Variants in TMC5 observed in about 807,000 individuals in gnomAD.
TMC5 encodes the protein transmembrane channel like 5, also known as transmembrane channel-like protein 5.
TMC5 carries 86 observed loss-of-function variants against 110.5 expected under a neutral mutation model. That is an observed-to-expected ratio of 0.78 (90% CI 0.65 to 0.93). The LOEUF (loss-of-function observed/expected upper bound fraction) is 0.93. TMC5 is among the 40% of genes least tolerant of loss of function. The probability of loss-of-function intolerance (pLI) is 0.00; values close to 1 mark genes in which losing one functional copy is unlikely to be tolerated. For synonymous variants in TMC5, 455 were observed against 439.5 expected, an observed-to-expected ratio of 1.04 and a Z score of -0.44; for missense variants, 1,144 against 1,222.8, an observed-to-expected ratio of 0.94 and a Z score of 0.96.
At chr16:19,480,501 G>A (rs966130300) in intron 14 of TMC5, among the ~76,000 whole-genome samples, 4 of 151,996 alleles carry the variant, frequency 2.6e-5, no homozygotes, top group Non-Finnish European at 5.9e-5. Flanking sequence ...TCGAGGGCCT[G>A]GACATAAAGG....
At chr16:19,457,287 A>G (rs769763898) in intron 5 of TMC5, among the ~76,000 whole-genome samples, 1 of 152,170 alleles carries the variant, frequency 6.6e-6, no homozygotes, top group Non-Finnish European at 1.5e-5. Flanking sequence ...CCAGCTACTC[A>G]GGAGGCTAAG....
chr16:19,453,062 G>A (rs945773016), intron 5 of TMC5, among the ~76,000 whole-genome samples: 2 of 150,224 alleles, frequency 1.3e-5, no homozygotes, highest in Non-Finnish European at 3.0e-5. Context: ...TCCCCAAAAG[G>A]CAGAGAGTAG....
chr16:19,455,176 G>A (rs151013926), intron 5 of TMC5, among the ~76,000 whole-genome samples: 373 of 151,580 alleles, frequency 2.5e-3, no homozygotes, highest in African/African-American at 8.7e-3. Context: ...TTTTACATGC[G>A]GTGGCTCATG....
At chr16:19,458,787 G>A (rs899215000) in intron 5 of TMC5, among the ~76,000 whole-genome samples, 2 of 152,042 alleles carry the variant, frequency 1.3e-5, no homozygotes, top group African/African-American at 4.8e-5. Context: ...GAGAGATTTG[G>A]TGGTCCTCTT....
intron 12 of TMC5, among the ~76,000 whole-genome samples, chr16:19,475,490 C>G (rs1057387899): frequency 6.6e-6 from 1 of 152,128 alleles, no homozygotes; most frequent in African/African-American, 2.4e-5. Flanking sequence ...TTCCAGAGCC[C>G]TTGCCTTACC....
At chr16:19,438,149 T>C (rs1050365251) in intron 2 of TMC5, among the ~76,000 whole-genome samples, 1 of 151,624 alleles carries the variant, frequency 6.6e-6, no homozygotes, top group Non-Finnish European at 1.5e-5. Context: ...CCCAGCACTT[T>C]GGGAGGCTGA....
chr16:19,458,104 G>A (rs1195310843), intron 5 of TMC5, among the ~76,000 whole-genome samples: 1 of 152,014 alleles, frequency 6.6e-6, no homozygotes, highest in Non-Finnish European at 1.5e-5. Context: ...CAACAGATAG[G>A]ATGTCTCTTG....
At chr16:19,413,923 A>G (rs566369057), upstream of TMC5, among the ~76,000 whole-genome samples, 2 of 152,292 alleles carry the variant, frequency 1.3e-5, no homozygotes, top group Admixed American at 6.5e-5. Context: ...AGTAGTACCT[A>G]ACTCATAGGG....
intron 21 of TMC5, among the ~76,000 whole-genome samples, chr16:19,497,424 T>G (rs1459556933): frequency 1.3e-5 from 2 of 152,232 alleles, no homozygotes; most frequent in Non-Finnish European, 1.5e-5. Context: ...GCCTAATAAG[T>G]GCAAGACAGC....
In TMC5 at chr16:19,460,226, CT is replaced by C. The variant is rs1567311980; in HGVS notation, c.1049-6del. The C allele has an allele frequency of 6.3e-7, 1 of 1,593,022 alleles. No homozygotes were observed. Among genetic ancestry groups the C allele is most frequent in the Admixed American group, 1.7e-5 (1 of 57,248 alleles). ...AAAAGAAATTAAATTCCATTAATTT[CT>C]TTCATAGGACAGAAGTTAATCGCAT... is the stretch of plus-strand genomic sequence containing the variant. On this transcript the variant is annotated splice_polypyrimidine_tract_variant and splice_region_variant and intron_variant, in intron 5 of 21. Coordinates refer to ENST00000542583, the MANE Select transcript of TMC5 (RefSeq NM_001261841.2).
chr16:19,417,385 C>T (rs1367197559), upstream of TMC5, among the ~76,000 whole-genome samples: 14 of 146,028 alleles, frequency 9.6e-5, no homozygotes, highest in East Asian at 2.8e-3. Flanking sequence ...TGGCACTGCA[C>T]TCCAGCCGAG....
Position 19,440,182 on chromosome 16 carries a change from C to T in TMC5, c.144C>T (p.Pro48=), listed in dbSNP as rs267604430. The change falls in exon 3 of 22, where the codon CCC becomes CCT. Residue 48 remains proline (P), a synonymous_variant. Coordinates refer to ENST00000542583, the MANE Select transcript of TMC5 (RefSeq NM_001261841.2). ...GTCCTCTGAACAATCCAGACTACCC[C>T]GGCACCAGGAGCAATCCATACTCTG... ...VPGPLNNPDY[P]GTRSNPYSVA... The T allele has an allele frequency of 1.7e-5, 28 of 1,614,012 alleles. No homozygotes were observed. Among genetic ancestry groups the T allele is most frequent in the Middle Eastern group, 3.3e-4 (2 of 6,084 alleles).
At chr16:19,452,666 G>A (rs368311727) in intron 5 of TMC5, among the ~76,000 whole-genome samples, 2 of 152,256 alleles carry the variant, frequency 1.3e-5, no homozygotes, top group South Asian at 2.1e-4. Flanking sequence ...GCAGTGAGCC[G>A]AGATCAAAGG....
intron 2 of TMC5, among the ~76,000 whole-genome samples, chr16:19,438,411 A>G (rs1567302263): frequency 1.6e-5 from 1 of 61,718 alleles, no homozygotes; most frequent in African/African-American, 5.3e-5. Flanking sequence ...AAAAAAAAGA[A>G]GAAAGAAAAG....
At chr16:19,477,548 T>C (rs760498461) in intron 13 of TMC5, 30 bp downstream of exon 13, 1 of 1,535,294 alleles carries the variant, frequency 6.5e-7, no homozygotes, top group Non-Finnish European at 8.9e-7. Context: ...TGCCTTAAGT[T>C]TGGTTTCTTA....
chr16:19,424,166 C>T (rs1967042635), intron 1 of TMC5, among the ~76,000 whole-genome samples: 2 of 152,202 alleles, frequency 1.3e-5, no homozygotes, highest in Non-Finnish European at 2.9e-5. Flanking sequence ...AATTTCAAGT[C>T]CTGGCCTTGG....
rs959937379 is a variant in TMC5 at position 19,435,500 on chromosome 16, C to CA, written c.-79-4450dup. Among the ~76,000 whole-genome samples, 735 of 140,946 alleles carry CA rather than the reference C, an allele frequency of 5.2e-3. 3 individuals carry two copies. Among genetic ancestry groups the CA allele is most frequent in the African/African-American group, 0.015 (582 of 38,198 alleles). The allele number at this position is 140,946 out of a possible 152,430, so 92.5% of individuals were successfully genotyped here. On this transcript the variant is annotated intron_variant, in intron 2 of 21. Coordinates refer to ENST00000542583, the MANE Select transcript of TMC5 (RefSeq NM_001261841.2). Reference sequence around the variant, plus strand: ...CTGGGCGCAGAGTGAGACTCTGCCTCAAAAAAAAAAGAAAAAAATTTAGAA... The same window carrying CA: ...CTGGGCGCAGAGTGAGACTCTGCCTCAAAAAAAAAAAGAAAAAAATTTAGAA...
At chr16:19,443,173 T>A (rs961341794) in intron 3 of TMC5, among the ~76,000 whole-genome samples, 1 of 152,194 alleles carries the variant, frequency 6.6e-6, no homozygotes. Flanking sequence ...TGGGGAACTT[T>A]AAAAATAATA....
intron 5 of TMC5, among the ~76,000 whole-genome samples, chr16:19,458,045 A>G (rs962956151): frequency 6.6e-6 from 1 of 151,620 alleles, no homozygotes; most frequent in African/African-American, 2.4e-5. Context: ...TGCATCCTTA[A>G]TCGCTACACT....
Sources: allele counts gnomAD v4.1 joint callset (sites outside exome capture counted in the v4.1 genomes callset), GRCh38; gene constraint gnomAD v4.1.1; transcripts MANE v1.5; gene names NCBI Gene and HGNC (gene_info 2026-07-23, HGNC 2026-07-21).